Variants in DPP6 observed in about 807,000 individuals in gnomAD.
The protein encoded by DPP6 is dipeptidyl peptidase like 6.
A neutral mutation model predicts 122.6 loss-of-function variants in DPP6; 69 were observed. The observed-to-expected ratio is 0.56, with a 90% CI of 0.46 to 0.69. DPP6 has a LOEUF of 0.69. Ranked by LOEUF, DPP6 falls within the 30% of genes least tolerant of loss-of-function variation. The probability of loss-of-function intolerance (pLI) is 0.00; values close to 1 mark genes in which losing one functional copy is unlikely to be tolerated. For synonymous variants in DPP6, 418 were observed against 433.1 expected (o/e 0.97, Z 0.43); for missense variants, 928 against 1,116.9 (o/e 0.83, Z 2.41).
intron 1 of DPP6, among the ~76,000 whole-genome samples, chr7:154,025,361 TAGAG>T (rs1235849431): frequency 7.9e-6 from 1 of 125,806 alleles, no homozygotes; most frequent in Non-Finnish European, 1.6e-5. Flanking sequence ...TGAAGGGTGA[TAGAG>T]AGAATGCTGC....
the DPP6 span, among the ~76,000 whole-genome samples, chr7:153,827,575 T>C: frequency 6.6e-6 from 1 of 152,164 alleles, no homozygotes; most frequent in African/African-American, 2.4e-5. Flanking sequence ...CCCTAGTGTG[T>C]GCAAACAAAC....
At chr7:154,073,059 A>G (rs958739568) in intron 1 of DPP6, among the ~76,000 whole-genome samples, 1 of 152,210 alleles carries the variant, frequency 6.6e-6, no homozygotes, top group Non-Finnish European at 1.5e-5. Flanking sequence ...TCTCGGGCCA[A>G]TATCTGCAGG....
At chr7:153,956,647 G>C (rs757669733) in intron 1 of DPP6, among the ~76,000 whole-genome samples, 1 of 152,168 alleles carries the variant, frequency 6.6e-6, no homozygotes, top group Non-Finnish European at 1.5e-5. Context: ...GCTGTCTTCA[G>C]CTGCTAAGAG....
chr7:154,312,593 AATATCTGT>A (rs1184984645), intron 1 of DPP6, among the ~76,000 whole-genome samples: 1 of 152,210 alleles, frequency 6.6e-6, no homozygotes, highest in Non-Finnish European at 1.5e-5. Flanking sequence ...GCTTTTAAAC[AATATCTGT>A]ATGTGCGCCC....
intron 17 of DPP6, among the ~76,000 whole-genome samples, chr7:154,865,979 G>A (rs1803841979): frequency 6.6e-6 from 1 of 152,222 alleles, no homozygotes; most frequent in Admixed American, 6.5e-5. Context: ...GGGGTAGGGA[G>A]AAGGATTTGC....
In DPP6 at chr7:154,463,195, CTTTTTTTTTTTTTTTTTT is replaced by C. The variant is rs368362408; in HGVS notation, c.359-11731_359-11714del. 5.1e-4 allele frequency among the ~76,000 whole-genome samples: 43 copies of C among 84,112 alleles called. 1 individual carries two copies. Among genetic ancestry groups the C allele is most frequent in the Admixed American group, 1.0e-3 (9 of 8,982 alleles). The allele number at this position is 84,112 out of a possible 152,430, so 55.2% of individuals were successfully genotyped here. On this transcript the variant is annotated intron_variant, in intron 2 of 25. Transcript: ENST00000377770. The stretch of plus-strand genomic sequence containing the variant: ...GCTTTTTACCTTTACTTCTCCTTTT[CTTTTTTTTTTTTTTTTTT>C]TTTTTTTTTTTTGAGACGGAGTCTC...
chr7:153,764,101 C>A, the DPP6 span, among the ~76,000 whole-genome samples: 1 of 152,152 alleles, frequency 6.6e-6, no homozygotes, highest in Non-Finnish European at 1.5e-5. Context: ...AGCTTTTTTT[C>A]TGGCTCTTTT....
At chr7:154,405,475 C>T (rs946009560) in intron 1 of DPP6, among the ~76,000 whole-genome samples, 1 of 151,930 alleles carries the variant, frequency 6.6e-6, no homozygotes. Context: ...AGCTGCTTTC[C>T]CCCCCTTGTT....
chr7:154,892,666 T>TCA lies in DPP6; in HGVS notation c.*188_*189dup, dbSNP rs751203236. ...CAAGCTCCTTCCCCGGGGTCATCAC[T>TCA]CACGGCCTCCATGGCACCAGGGACA... On this transcript the variant is annotated 3_prime_UTR_variant, in exon 26 of 26. Transcript: ENST00000377770. 2.4e-6 allele frequency: 3 copies of TCA among 1,248,558 alleles called. No homozygotes were observed. Among genetic ancestry groups the TCA allele is most frequent in the Non-Finnish European group, 3.4e-6 (3 of 876,842 alleles). 77.3% of individuals were successfully genotyped at this position (1,248,558 alleles called of 1,614,324 possible).
intron 3 of DPP6, among the ~76,000 whole-genome samples, chr7:154,520,667 G>T (rs7780519): frequency 1.3e-5 from 2 of 152,154 alleles, no homozygotes; most frequent in Non-Finnish European, 2.9e-5. Flanking sequence ...GTGGAGGCTT[G>T]GCTCCATTGG....
intron 1 of DPP6, among the ~76,000 whole-genome samples, chr7:154,410,411 C>T (rs1379985819): frequency 3.3e-5 from 5 of 152,170 alleles, no homozygotes; most frequent in Admixed American, 2.0e-4. Flanking sequence ...AAAATATTTC[C>T]GATTCAGTAT....
In DPP6 at chr7:153,894,679, C is replaced by T. The variant is rs185228102; in HGVS notation, c.51+6945C>T. On this transcript the variant is annotated intron_variant, in intron 1 of 25. Transcript: ENST00000404039. ...AGCCACTGGTTCCTCCTGCCCCCGA[C>T]CTCTTCCCCAGTACCCACCCCTGGC... 5.3e-5 allele frequency among the ~76,000 whole-genome samples: 8 copies of T among 152,232 alleles called. No homozygotes were observed. In the East Asian group the frequency reaches 1.4e-3, roughly 26 times the overall value.
intron 4 of DPP6, among the ~76,000 whole-genome samples, chr7:154,541,449 G>A (rs957974433): frequency 1.3e-5 from 2 of 152,104 alleles, no homozygotes; most frequent in Non-Finnish European, 2.9e-5. Flanking sequence ...AGATTTAAAT[G>A]GCATTAAGAT....
chr7:154,284,175 T>C (rs1804703738), intron 1 of DPP6, among the ~76,000 whole-genome samples: 1 of 152,086 alleles, frequency 6.6e-6, no homozygotes, highest in African/African-American at 2.4e-5. Context: ...GAGCTCTTGG[T>C]TGAGGGGACT....
At chr7:154,539,281 T>A (rs1234488520) in intron 3 of DPP6, among the ~76,000 whole-genome samples, 1 of 152,212 alleles carries the variant, frequency 6.6e-6, no homozygotes, top group Non-Finnish European at 1.5e-5. Flanking sequence ...TCTAAGGTAG[T>A]GGCTGCAAAA....
intron 1 of DPP6, among the ~76,000 whole-genome samples, chr7:154,184,422 G>A (rs1798250993): frequency 6.6e-6 from 1 of 151,926 alleles, no homozygotes. Context: ...GCACGGTGAA[G>A]TCTGTGGTTG....
chr7:154,435,023 G>A (rs936324483), intron 1 of DPP6, among the ~76,000 whole-genome samples: 12 of 152,036 alleles, frequency 7.9e-5, no homozygotes, highest in East Asian at 1.9e-4. Context: ...TTTTAGTAGA[G>A]ATAGTGTTTC....
intron 2 of DPP6, among the ~76,000 whole-genome samples, chr7:154,455,911 C>T (rs954898063): frequency 6.6e-6 from 1 of 152,144 alleles, no homozygotes; most frequent in Non-Finnish European, 1.5e-5. Flanking sequence ...CTCTTGCCTG[C>T]TATAGATGAG....
intron 18 of DPP6, among the ~76,000 whole-genome samples, chr7:154,871,723 G>C (rs551781018): frequency 6.6e-6 from 1 of 152,102 alleles, no homozygotes. Context: ...GTAATGAGAC[G>C]CCAGGTCAGA....
Sources: gnomAD v4.1 joint callset for allele counts (sites outside exome capture counted in the v4.1 genomes callset) on GRCh38, gnomAD v4.1.1 for gene constraint, MANE v1.5 for transcripts, NCBI Gene and HGNC (gene_info 2026-07-23, HGNC 2026-07-21) for gene names.